Variants in VWA8 observed in about 807,000 individuals in gnomAD.
The protein encoded by VWA8 is von Willebrand factor A domain containing 8.
A neutral mutation model predicts 241.5 loss-of-function variants in VWA8; 221 were observed. The ratio of observed to expected loss-of-function variants is 0.91; its 90% CI spans 0.82 to 1.02. VWA8 has a LOEUF of 1.02. VWA8 is among the 50% of genes least tolerant of loss of function. The pLI, the probability that VWA8 is intolerant of heterozygous loss-of-function variation, is 0.00. For synonymous variants in VWA8, 852 were observed against 827.1 expected (o/e 1.03, Z -0.52); for missense variants, 2,322 against 2,328.7 (o/e 1.00, Z 0.06).
intron 4 of VWA8, among the ~76,000 whole-genome samples, chr13:41,895,339 AGAGT>A (rs1166899950): frequency 6.6e-6 from 1 of 152,172 alleles, no homozygotes; most frequent in African/African-American, 2.4e-5. Context: ...GAAAACGAGT[AGAGT>A]AAGAACTAAA....
At chr13:41,804,195 T>C (rs1870083110) in intron 17 of VWA8, among the ~76,000 whole-genome samples, 1 of 152,170 alleles carries the variant, frequency 6.6e-6, no homozygotes, top group Admixed American at 6.5e-5. Context: ...AACAAGGTTA[T>C]AGAACACCAG....
chr13:41,948,682 T>TA (rs1877974613), intron 2 of VWA8, among the ~76,000 whole-genome samples: 1 of 152,104 alleles, frequency 6.6e-6, no homozygotes, highest in South Asian at 2.1e-4. Context: ...GGCAGTGAGT[T>TA]AAAAAGTTAA....
intron 37 of VWA8, among the ~76,000 whole-genome samples, chr13:41,640,061 C>T (rs775521273): frequency 1.3e-5 from 2 of 152,156 alleles, no homozygotes; most frequent in African/African-American, 2.4e-5. Flanking sequence ...TTCAAGAGAG[C>T]CCTATGTAGC....
At chr13:41,771,896 T>TTTC (rs2045826332) in intron 20 of VWA8, among the ~76,000 whole-genome samples, 1 of 148,318 alleles carries the variant, frequency 6.7e-6, no homozygotes, top group Non-Finnish European at 1.5e-5. Flanking sequence ...CTTTTTTTTT[T>TTTC]TTTTTTTTTT....
chr13:41,635,148 C>A (rs2044749034), intron 37 of VWA8, among the ~76,000 whole-genome samples: 1 of 152,086 alleles, frequency 6.6e-6, no homozygotes, highest in Non-Finnish European at 1.5e-5. Context: ...AATGTGAAAT[C>A]TGAACACTAT....
intron 40 of VWA8, among the ~76,000 whole-genome samples, chr13:41,592,103 T>C (rs1266443143): frequency 6.6e-6 from 1 of 151,116 alleles, no homozygotes; most frequent in East Asian, 1.9e-4. Context: ...TAAGAAAATG[T>C]GGCACATATA....
chr13:41,698,873 T>C (rs2045231327), intron 29 of VWA8, among the ~76,000 whole-genome samples, 198 bp downstream of exon 29: 1 of 152,168 alleles, frequency 6.6e-6, no homozygotes, highest in South Asian at 2.1e-4. Context: ...TCTAGAGGTA[T>C]AGGTCATGTT....
At chr13:41,874,398 T>C (rs1873798731) in intron 9 of VWA8, among the ~76,000 whole-genome samples, 1 of 151,998 alleles carries the variant, frequency 6.6e-6, no homozygotes, top group Non-Finnish European at 1.5e-5. Flanking sequence ...TCAAATTGTC[T>C]CTGTTTGCAG....
intron 42 of VWA8, among the ~76,000 whole-genome samples, chr13:41,584,165 G>A (rs2044402113): frequency 6.6e-6 from 1 of 152,058 alleles, no homozygotes; most frequent in East Asian, 1.9e-4. Flanking sequence ...AACTTTTTTT[G>A]TAGGTTTAAA....
chr13:41,645,084 G>A (rs912540445), intron 37 of VWA8, among the ~76,000 whole-genome samples: 3 of 152,250 alleles, frequency 2.0e-5, no homozygotes, highest in Admixed American at 6.5e-5. Context: ...CTTATTAACC[G>A]TGTAAGGCAC....
intron 37 of VWA8, 85 bp downstream of exon 37, chr13:41,670,861 C>A (rs2045017346): frequency 5.3e-6 from 8 of 1,514,266 alleles, no homozygotes; most frequent in Non-Finnish European, 7.2e-6. Context: ...GTCACTGGCC[C>A]AGAAATTTTC....
At position 41,774,534 on chromosome 13, in the gene VWA8, A is replaced by G. The variant is rs188859104; in HGVS notation, c.2349+3451T>C. ...ACGGTATGCAAGGCATCAGGGAGAC[A>G]CAAAAATAATGAAGACTCTTTATCT... On this transcript the variant is annotated intron_variant, in intron 20 of 44. Coordinates refer to ENST00000379310, the MANE Select transcript of VWA8 (RefSeq NM_015058.2). Among the ~76,000 whole-genome samples the G allele has an allele frequency of 5.6e-4, 86 of 152,356 alleles. No homozygotes were observed. The Middle Eastern group carries it at 0.01, about 18-fold the overall frequency.
rs1168629617 is a variant in VWA8 at position 41,959,606 on chromosome 13, C to CTTTTTTTTTTTTTT, written c.163+1233_163+1246dup. Among the ~76,000 whole-genome samples, 75 of 79,624 alleles carry CTTTTTTTTTTTTTT rather than the reference C, an allele frequency of 9.4e-4. 14 individuals carry two copies. Among genetic ancestry groups the CTTTTTTTTTTTTTT allele is most frequent in the Non-Finnish European group, 1.1e-3 (46 of 42,888 alleles). 52.2% of individuals were successfully genotyped at this position (79,624 alleles called of 152,430 possible). ...ACGAAATACGTGGGACCTAAATATG[C>CTTTTTTTTTTTTTT]TTTTTTTTTTTTTTTTTTTGAGATG... On this transcript the variant is annotated intron_variant, in intron 1 of 44. Coordinates refer to ENST00000379310, the MANE Select transcript of VWA8 (RefSeq NM_015058.2).
intron 2 of VWA8, among the ~76,000 whole-genome samples, chr13:41,943,970 T>G (rs1183229546): frequency 6.6e-6 from 1 of 152,010 alleles, no homozygotes; most frequent in African/African-American, 2.4e-5. Flanking sequence ...CTAGGCAATG[T>G]GGCGTGAGCC....
At chr13:41,860,614 A>G (rs1338788371) in intron 12 of VWA8, among the ~76,000 whole-genome samples, 1 of 152,208 alleles carries the variant, frequency 6.6e-6, no homozygotes, top group Non-Finnish European at 1.5e-5. Flanking sequence ...CATTAAAATA[A>G]AATAATGTTT....
chr13:41,827,230 G>C (rs1344352904), intron 14 of VWA8, among the ~76,000 whole-genome samples: 7 of 152,204 alleles, frequency 4.6e-5, no homozygotes, highest in Admixed American at 4.6e-4. Context: ...TCATAATAAT[G>C]TAAGCATTGA....
chr13:41,801,525 T>C (rs1869961168), intron 17 of VWA8, among the ~76,000 whole-genome samples: 1 of 152,194 alleles, frequency 6.6e-6, no homozygotes, highest in East Asian at 1.9e-4. Context: ...TAAAAATAAT[T>C]ACTAGATCAT....
intron 26 of VWA8, among the ~76,000 whole-genome samples, chr13:41,711,568 A>C (rs997922396): frequency 1.3e-5 from 2 of 152,168 alleles, no homozygotes; most frequent in Non-Finnish European, 2.9e-5. Flanking sequence ...GTACTAAGTA[A>C]AGGATTTTTA....
intron 2 of VWA8, among the ~76,000 whole-genome samples, chr13:41,934,717 C>A (rs1877272937): frequency 6.6e-6 from 1 of 151,884 alleles, no homozygotes; most frequent in East Asian, 1.9e-4. Context: ...AATAAATCTA[C>A]AAAGCAGATT....
Sources: allele counts gnomAD v4.1 joint callset (sites outside exome capture counted in the v4.1 genomes callset), GRCh38; gene constraint gnomAD v4.1.1; transcripts MANE v1.5; gene names NCBI Gene and HGNC (gene_info 2026-07-23, HGNC 2026-07-21).